Variants in NCAPG2 observed in about 807,000 individuals in gnomAD.
The protein encoded by NCAPG2 is condensin-2 complex subunit G2.
A neutral mutation model predicts 141.1 loss-of-function variants in NCAPG2; 53 were observed. The observed-to-expected ratio is 0.38, with a 90% CI of 0.30 to 0.47. The LOEUF is 0.47. Among genes scored for constraint, NCAPG2 ranks in the 20% least tolerant of loss-of-function variants. NCAPG2 has a pLI of 0.99. For synonymous variants in NCAPG2, 499 were observed against 490.7 expected, an observed-to-expected ratio of 1.02 and a Z score of -0.22; for missense variants, 1,087 against 1,389.0, an observed-to-expected ratio of 0.78 and a Z score of 3.46.
chr7:158,665,626 C>A (rs576536033), intron 13 of NCAPG2, among the ~76,000 whole-genome samples: 11 of 152,238 alleles, frequency 7.2e-5, no homozygotes, highest in African/African-American at 2.4e-4. Context: ...AAAACCCACA[C>A]ACAAAACTCA....
At chr7:158,684,643 G>A (rs1834643621) in intron 8 of NCAPG2, among the ~76,000 whole-genome samples, 1 of 152,252 alleles carries the variant, frequency 6.6e-6, no homozygotes, top group African/African-American at 2.4e-5. Context: ...AGGGAGGGCA[G>A]AGAGGAATGG....
chr7:158,689,838 T>C lies in NCAPG2; in HGVS notation c.653A>G (p.Asn218Ser). ...ATTTACCTCTTCTTTCTTGATATAA[T>C]TAATATTTATGAAGCACTCAAGTAA... ...DMLLECFINI[N>S]YIKKEEGRRF... is the part of the protein sequence containing the mutation. Residue 218 changes from asparagine (N) to serine (S), a missense_variant, in exon 6 of 28, where the codon AAT becomes AGT. Asn to Ser is a conservative substitution (Grantham distance 46, BLOSUM62 1). Coordinates refer to ENST00000356309, the MANE Select transcript of NCAPG2 (RefSeq NM_017760.7). 6.3e-7 allele frequency: 1 copy of C among 1,583,488 alleles called. No homozygotes were observed. Among genetic ancestry groups the C allele is most frequent in the Non-Finnish European group, 8.6e-7 (1 of 1,160,822 alleles).
chr7:158,636,924 A>G (rs1054572176), intron 27 of NCAPG2, among the ~76,000 whole-genome samples: 19 of 151,966 alleles, frequency 1.3e-4, no homozygotes, highest in Admixed American at 1.1e-3. Context: ...CCTAAGGCCA[A>G]TAGTCTATTG....
At chr7:158,681,536 A>C (rs1008536291) in intron 9 of NCAPG2, among the ~76,000 whole-genome samples, 1 of 152,212 alleles carries the variant, frequency 6.6e-6, no homozygotes, top group Non-Finnish European at 1.5e-5. Flanking sequence ...ACAGGCTGTA[A>C]AAGAACAGCC....
chr7:158,675,805 A>G lies in NCAPG2; in HGVS notation c.1147-149T>C, dbSNP rs191573223. ...ACACATATGGATTCCTAGACCTGAG[A>G]TTACTTGCTATCGCTTCTAAAGCAG... On this transcript the variant is annotated intron_variant, in intron 11 of 27. Coordinates refer to ENST00000356309, the MANE Select transcript of NCAPG2 (RefSeq NM_017760.7). 8.7e-6 allele frequency: 7 copies of G among 806,916 alleles called. No homozygotes were observed. In the East Asian group the frequency reaches 1.7e-4, roughly 20 times the overall value. 50.0% of individuals were successfully genotyped at this position (806,916 alleles called of 1,614,324 possible). A position where few individuals can be genotyped will look rare whatever the true frequency, so the allele number is the denominator to read the frequency against.
intron 24 of NCAPG2, among the ~76,000 whole-genome samples, chr7:158,648,258 A>AATTT (rs1303121024): frequency 6.6e-6 from 1 of 152,184 alleles, no homozygotes; most frequent in Non-Finnish European, 1.5e-5. Context: ...TTCTGAAGGT[A>AATTT]CTGAGATAAG....
Position 158,689,938 on chromosome 7 carries a change from G to T in NCAPG2, c.553C>A (p.Arg185=). The T allele has an allele frequency of 1.3e-6, 2 of 1,586,904 alleles. No individual in the cohort carries two copies. The highest frequency in any genetic ancestry group is 8.6e-7 in the Non-Finnish European group (1 of 1,168,910). Residue 185 remains arginine, a synonymous_variant, in exon 6 of 28, where the codon CGG becomes AGG. Coordinates refer to ENST00000356309, the MANE Select transcript of NCAPG2 (RefSeq NM_017760.7). The part of the protein sequence containing the change: ...LETKTGADVC[R]LWRIHQALYC... The stretch of plus-strand genomic sequence containing the variant: ...AAAGCTTGATGGATACGCCAAAGCC[G>T]ACATACGTCTGCACCCTAGGAATGA...
At chr7:158,644,479 G>A in intron 26 of NCAPG2, 91 bp from the exon 27 acceptor site, 1 of 1,094,986 alleles carries the variant, frequency 9.1e-7, no homozygotes, top group East Asian at 2.4e-5. Flanking sequence ...ACTTCCCTAA[G>A]CTGGGCCTCC....
intron 13 of NCAPG2, chr7:158,665,281 C>T (rs1380887682): frequency 6.5e-6 from 1 of 154,812 alleles, no homozygotes; most frequent in Non-Finnish European, 1.4e-5. Flanking sequence ...GTCTCATCTC[C>T]CCGCACCCAT....
chr7:158,637,441 C>T (rs564585862), intron 27 of NCAPG2, among the ~76,000 whole-genome samples: 119 of 11,582 alleles, frequency 0.01, 1 homozygote, highest in Admixed American at 0.093. Flanking sequence ...TCCAGGTTTC[C>T]GTAAGGCCCC....
chr7:158,690,060 T>A (rs1835024869), intron 5 of NCAPG2, 107 bp from the exon 6 acceptor site: 2 of 1,051,170 alleles, frequency 1.9e-6, no homozygotes, highest in Non-Finnish European at 1.3e-6. Flanking sequence ...AGTTGATTCA[T>A]CAAAGATTAA....
rs1831759318 is a variant in NCAPG2, at chr7:158,654,578, A to G, written c.2746+17T>C. On this transcript the variant is annotated intron_variant, in intron 22 of 27. Transcript: ENST00000356309. Reference sequence around the variant, plus strand: ...TGGTTCTGAGTATTTATTGCTCTAAAACAGCCCTGACTGTACCTGTTTGCA... The same window carrying G: ...TGGTTCTGAGTATTTATTGCTCTAAGACAGCCCTGACTGTACCTGTTTGCA... 1 of 1,611,890 alleles carries G rather than the reference A, an allele frequency of 6.2e-7. No individual in the cohort carries two copies. The highest frequency in any genetic ancestry group is 8.5e-7 in the Non-Finnish European group (1 of 1,178,916).
intron 22 of NCAPG2, 113 bp downstream of exon 22, chr7:158,654,482 T>C (rs1451875313): frequency 9.5e-7 from 1 of 1,057,274 alleles, no homozygotes; most frequent in Non-Finnish European, 1.3e-6. Context: ...ATATGCCAGG[T>C]TGCATTATAA....
At chr7:158,640,526 C>G (rs1459049344) in intron 27 of NCAPG2, 1 of 152,108 alleles carries the variant, frequency 6.6e-6, no homozygotes, top group Non-Finnish European at 1.5e-5. Context: ...GAGCAAGACT[C>G]TGTCTCAAAA....
intron 12 of NCAPG2, 51 bp from the exon 13 acceptor site, chr7:158,671,717 A>C (rs755397308): frequency 1.9e-6 from 3 of 1,579,932 alleles, no homozygotes; most frequent in Middle Eastern, 1.7e-4. Flanking sequence ...TGCCAATGAA[A>C]GGTTCAGGTA....
At chr7:158,679,306 A>G (rs1834298897) in intron 11 of NCAPG2, among the ~76,000 whole-genome samples, 1 of 152,270 alleles carries the variant, frequency 6.6e-6, no homozygotes, top group South Asian at 2.1e-4. Context: ...TACTTAGGAC[A>G]GTAGATAGTA....
At chr7:158,663,171 G>T (rs890864908) in intron 15 of NCAPG2, among the ~76,000 whole-genome samples, 7 of 152,154 alleles carry the variant, frequency 4.6e-5, no homozygotes, top group Non-Finnish European at 1.0e-4. Flanking sequence ...CCCTGCTGTC[G>T]AGGCCTGTCA....
At chr7:158,683,975 C>T (rs550007908) in intron 8 of NCAPG2, among the ~76,000 whole-genome samples, 93 of 152,188 alleles carry the variant, frequency 6.1e-4, no homozygotes, top group Non-Finnish European at 1.1e-3. Flanking sequence ...CCCCAGTGGA[C>T]CCTATGTCTG....
At chr7:158,636,561 C>A (rs1310173765) in intron 27 of NCAPG2, among the ~76,000 whole-genome samples, 1 of 152,022 alleles carries the variant, frequency 6.6e-6, no homozygotes, top group African/African-American at 2.4e-5. Context: ...GCCACCATAC[C>A]CAGCTAATTT....
Sources: gnomAD v4.1 joint callset for allele counts (sites outside exome capture counted in the v4.1 genomes callset) on GRCh38, gnomAD v4.1.1 for gene constraint, MANE v1.5 for transcripts, NCBI Gene and HGNC (gene_info 2026-07-23, HGNC 2026-07-21) for gene names.